The following PPP3CB variants were observed in gnomAD, a reference collection of about 807,000 sequenced individuals.
PPP3CB encodes the protein serine/threonine-protein phosphatase 2B catalytic subunit beta isoform.
In PPP3CB, 8 loss-of-function variants were observed where a neutral mutation model predicts 66.4. The observed-to-expected ratio is 0.12, with a 90% CI of 0.07 to 0.22. The LOEUF (loss-of-function observed/expected upper bound fraction) is 0.22, where lower values mean the gene tolerates loss of function less well. Ranked by LOEUF, PPP3CB falls within the 10% of genes least tolerant of loss-of-function variation. PPP3CB has a pLI of 1.00. For synonymous variants in PPP3CB, 208 were observed against 221.2 expected (o/e 0.94, Z 0.53); for missense variants, 319 against 642.5 (o/e 0.50, Z 5.44).
intron 1 of PPP3CB, among the ~76,000 whole-genome samples, chr10:73,490,183 A>G (rs967342206): frequency 1.2e-4 from 19 of 152,050 alleles, no homozygotes; most frequent in African/African-American, 4.6e-4. Flanking sequence ...AATCCTAACC[A>G]TCCTTCAAGG....
intron 9 of PPP3CB, among the ~76,000 whole-genome samples, chr10:73,460,658 C>A (rs1589695993): frequency 6.6e-6 from 1 of 152,234 alleles, no homozygotes; most frequent in East Asian, 1.9e-4. Context: ...ATAGCCAAGA[C>A]AATGGAAAAA....
intron 3 of PPP3CB, among the ~76,000 whole-genome samples, chr10:73,477,734 T>A (rs1044840077): frequency 6.6e-6 from 1 of 152,004 alleles, no homozygotes; most frequent in East Asian, 1.9e-4. Context: ...CTGGGCAACA[T>A]AGGAAACTCC....
At chr10:73,456,709 A>G (rs1364288745) in intron 9 of PPP3CB, among the ~76,000 whole-genome samples, 2 of 152,142 alleles carry the variant, frequency 1.3e-5, no homozygotes, top group Non-Finnish European at 2.9e-5. Context: ...TGGATCAAAC[A>G]CCTAATGTAA....
At chr10:73,475,125 C>T in intron 3 of PPP3CB, 95 bp from the exon 4 acceptor site, 1 of 1,398,902 alleles carries the variant, frequency 7.1e-7, no homozygotes, top group Non-Finnish European at 9.4e-7. Flanking sequence ...CCCTTACCAT[C>T]CTCTATTATC....
At chr10:73,467,851 G>C (rs1043779054) in intron 8 of PPP3CB, among the ~76,000 whole-genome samples, 173 bp from the exon 9 acceptor site, 1 of 152,040 alleles carries the variant, frequency 6.6e-6, no homozygotes, top group African/African-American at 2.4e-5. Flanking sequence ...AATAACATAG[G>C]TTTTGTTTTT....
intron 1 of PPP3CB, among the ~76,000 whole-genome samples, chr10:73,492,549 C>T (rs574333911): frequency 1.3e-5 from 2 of 152,272 alleles, no homozygotes; most frequent in African/African-American, 2.4e-5. Flanking sequence ...CATGCAGATA[C>T]GGTTAGATAT....
chr10:73,470,962 T>A lies in PPP3CB; in HGVS notation c.812A>T (p.Tyr271Phe), dbSNP rs1422367208. ...TTGCAAAAATTCACACACTGCTGGA[T>A]AGCTGTGGGGGAAAAAGAGTAAATT... ...TVRGCSYFYNYPAVCEFLQNN... is the reference protein window; with the variant it reads ...TVRGCSYFYNFPAVCEFLQNN... The change falls in exon 7 of 14, where the codon TAT becomes TTT. Residue 271 changes from tyrosine to phenylalanine, a missense_variant and splice_region_variant. Physicochemically the swap from Tyr to Phe is conservative, Grantham distance 22. Transcript: ENST00000360663. The A allele has an allele frequency of 1.2e-6, 2 of 1,612,858 alleles. No individual in the cohort carries two copies. The highest frequency in any genetic ancestry group is 8.5e-7 in the Non-Finnish European group (1 of 1,179,162).
rs535137868 is a variant in PPP3CB, at chr10:73,486,398, C to G, written c.86-6881G>C. 2.0e-5 allele frequency among the ~76,000 whole-genome samples: 3 copies of G among 150,916 alleles called. No individual in the cohort carries two copies. The South Asian group carries it at 6.3e-4, about 32-fold the overall frequency. On this transcript the variant is annotated intron_variant, in intron 1 of 13. Coordinates refer to ENST00000360663, the MANE Select transcript of PPP3CB (RefSeq NM_021132.4). ...TCAGCTCACCGCAACGTCTGCCTCCCAGGTTCAAGTGATTCTCCTGCCTCA... is the reference window on the plus strand; with the variant it reads ...TCAGCTCACCGCAACGTCTGCCTCCGAGGTTCAAGTGATTCTCCTGCCTCA...
chr10:73,481,724 C>A (rs1005572617), intron 1 of PPP3CB, among the ~76,000 whole-genome samples: 2 of 150,642 alleles, frequency 1.3e-5, no homozygotes, highest in African/African-American at 2.4e-5. Flanking sequence ...TAAGGAAGAA[C>A]TCAATCCTTT....
intron 3 of PPP3CB, among the ~76,000 whole-genome samples, chr10:73,475,747 A>T (rs930294479): frequency 6.6e-6 from 1 of 152,252 alleles, no homozygotes; most frequent in African/African-American, 2.4e-5. Flanking sequence ...TATTCTCTAA[A>T]TAGATTTAAC....
chr10:73,447,419 C>T (rs936849129), intron 10 of PPP3CB, among the ~76,000 whole-genome samples: 3 of 152,214 alleles, frequency 2.0e-5, no homozygotes, highest in Non-Finnish European at 4.4e-5. Context: ...CAACATCAAT[C>T]TCAGTCCTGT....
At chr10:73,480,066 T>C (rs1256644486) in intron 1 of PPP3CB, among the ~76,000 whole-genome samples, 1 of 152,204 alleles carries the variant, frequency 6.6e-6, no homozygotes, top group African/African-American at 2.4e-5. Flanking sequence ...CAAGGTGATT[T>C]ACCATGTTCC....
intron 4 of PPP3CB, among the ~76,000 whole-genome samples, chr10:73,473,909 T>C (rs963786212): frequency 2.6e-5 from 4 of 152,190 alleles, no homozygotes; most frequent in African/African-American, 4.8e-5. Context: ...ATTGAAATGA[T>C]CTGCAATGGT....
chr10:73,439,933 G>T (rs1381921120), intron 12 of PPP3CB, 32 bp from the exon 13 acceptor site: 1 of 1,599,856 alleles, frequency 6.3e-7, no homozygotes, highest in Admixed American at 1.7e-5. Context: ...CATGCAAAAT[G>T]AATGAGAGAG....
Position 73,437,258 on chromosome 10 carries a change from A to T in PPP3CB, c.*984T>A, listed in dbSNP as rs1241219309. The T allele has an allele frequency of 1.3e-5, 2 of 152,700 alleles. No individual in the cohort carries two copies. The highest frequency in any genetic ancestry group is 1.3e-4 in the Admixed American group (2 of 15,288). The allele number at this position is 152,700 out of a possible 1,614,324, so 9.5% of individuals were successfully genotyped here. A position where few individuals can be genotyped will look rare whatever the true frequency, so the allele number is the denominator to read the frequency against. Reference sequence around the variant, plus strand: ...TCCTTTGCATTAAAACATAAAAATGATAGAAAGCCAGCAGCAAATCACCCT... The same window carrying T: ...TCCTTTGCATTAAAACATAAAAATGTTAGAAAGCCAGCAGCAAATCACCCT... On this transcript the variant is annotated 3_prime_UTR_variant, in exon 14 of 14. Coordinates refer to ENST00000360663, the MANE Select transcript of PPP3CB (RefSeq NM_021132.4).
chr10:73,454,514 G>A, intron 9 of PPP3CB, 25 bp from the exon 10 acceptor site: 1 of 1,530,078 alleles, frequency 6.5e-7, no homozygotes, highest in Non-Finnish European at 9.1e-7. Flanking sequence ...AAAGTTACAT[G>A]TTAGCTGACC....
chr10:73,444,459 G>A (rs1589683158), intron 12 of PPP3CB: 6 of 940,612 alleles, frequency 6.4e-6, no homozygotes, highest in Non-Finnish European at 9.2e-6. Flanking sequence ...CAGACATTAT[G>A]ATATGAGCTG....
At chr10:73,446,334 A>C (rs2056253374) in intron 11 of PPP3CB, among the ~76,000 whole-genome samples, 158 bp downstream of exon 11, 1 of 151,754 alleles carries the variant, frequency 6.6e-6, no homozygotes, top group African/African-American at 2.4e-5. Context: ...TCCTGACCTC[A>C]GGTGATCCGC....
chr10:73,466,498 T>C (rs748513246), intron 9 of PPP3CB, among the ~76,000 whole-genome samples: 6 of 152,188 alleles, frequency 3.9e-5, no homozygotes, highest in African/African-American at 9.7e-5. Context: ...GATTGAACTA[T>C]TTCTCATACA....
Sources: allele counts gnomAD v4.1 joint callset (sites outside exome capture counted in the v4.1 genomes callset), GRCh38; gene constraint gnomAD v4.1.1; transcripts MANE v1.5; gene names NCBI Gene and HGNC (gene_info 2026-07-23, HGNC 2026-07-21).